The following KCP variants were observed in gnomAD, a reference collection of about 807,000 sequenced individuals.
The protein encoded by KCP is kielin cysteine rich BMP regulator.
A neutral mutation model predicts 212.7 loss-of-function variants in KCP; 194 were observed. The observed-to-expected ratio is 0.91, with a 90% CI of 0.81 to 1.03. The LOEUF (loss-of-function observed/expected upper bound fraction) is 1.03, where lower values mean the gene tolerates loss of function less well. Among genes scored for constraint, KCP ranks in the 50% least tolerant of loss-of-function variants. The pLI is 0.00. For missense variants in KCP, 2,080 were observed against 2,162.5 expected, an observed-to-expected ratio of 0.96 and a Z score of 0.76; for synonymous variants, 833 against 865.3, an observed-to-expected ratio of 0.96 and a Z score of 0.65.
intron 22 of KCP, among the ~76,000 whole-genome samples, chr7:128,888,634 A>C (rs941852085): frequency 1.6e-4 from 24 of 151,736 alleles, no homozygotes; most frequent in Non-Finnish European, 3.1e-4. Context: ...ACACATACAG[A>C]CACACACACA....
intron 7 of KCP, 114 bp from the exon 8 acceptor site, chr7:128,902,973 A>AG: frequency 1.3e-6 from 1 of 772,480 alleles, no homozygotes. Flanking sequence ...TCCCGAGCCA[A>AG]GACTAGATGG....
At chr7:128,901,222 A>C (rs774968511) in intron 8 of KCP, among the ~76,000 whole-genome samples, 4 of 151,922 alleles carry the variant, frequency 2.6e-5, no homozygotes, top group Non-Finnish European at 5.9e-5. Flanking sequence ...TGAATAATCC[A>C]CTCCTTTTTT....
At chr7:128,886,328 G>A in intron 26 of KCP, 136 bp downstream of exon 26, 1 of 682,036 alleles carries the variant, frequency 1.5e-6, no homozygotes, top group Non-Finnish European at 2.4e-6. Flanking sequence ...GCTGAAGGTG[G>A]CAAGGGTGTA....
chr7:128,910,261 C>T (rs1260479441), intron 1 of KCP, among the ~76,000 whole-genome samples: 1 of 152,232 alleles, frequency 6.6e-6, no homozygotes, highest in Admixed American at 6.5e-5. Context: ...GAGGGCCAGA[C>T]ACAGATGCAA....
rs1221898512 is a variant in KCP at position 128,886,957 on chromosome 7, T to C, written c.2608A>G (p.Met870Val). 1.3e-6 allele frequency: 2 copies of C among 1,515,268 alleles called. No homozygotes were observed. The highest frequency in any genetic ancestry group is 1.2e-5 in the South Asian group (1 of 82,820). 93.9% of individuals were successfully genotyped at this position (1,515,268 alleles called of 1,614,324 possible). The change falls in exon 24 of 40, where the codon ATG (methionine) becomes GTG (valine). Residue 870 changes from methionine to valine, a missense_variant. Physicochemically the swap from Met to Val is conservative, Grantham distance 21. Coordinates refer to ENST00000610776, the MANE Select transcript of KCP (RefSeq NM_001366122.1). ...GGACATGGCTTCTTCTGGCAGCGCA[T>C]GGAACCTTCCTGGGGGAGAGAGGCC... ...CSLCTCQEGS[M>V]RCQKKPCPPA...
chr7:128,904,219 A>T, intron 5 of KCP, 81 bp from the exon 6 acceptor site: 1 of 1,528,508 alleles, frequency 6.5e-7, no homozygotes, highest in Non-Finnish European at 8.9e-7. Flanking sequence ...CATGACCCCA[A>T]GTAGGTACTG....
At chr7:128,878,181 C>T (rs111534484) in intron 38 of KCP, among the ~76,000 whole-genome samples, 16,600 of 151,894 alleles carry the variant, frequency 0.11, 1,704 homozygotes, top group East Asian at 0.32. Flanking sequence ...CTCAGCCACC[C>T]GAGTAGCTGG....
chr7:128,888,243 C>T (rs931712613), intron 22 of KCP, among the ~76,000 whole-genome samples: 5 of 150,584 alleles, frequency 3.3e-5, no homozygotes, highest in South Asian at 4.2e-4. Flanking sequence ...GACACACATA[C>T]GGTCACACAC....
chr7:128,878,987 GC>G (rs1425908787), intron 37 of KCP: 1 of 488,204 alleles, frequency 2.0e-6, no homozygotes, highest in Admixed American at 3.6e-5. Context: ...TGCCATCCCT[GC>G]ACTGGGCCCC....
chr7:128,885,355 G>T (rs1479504737), intron 26 of KCP, 85 bp from the exon 27 acceptor site: 1 of 1,371,302 alleles, frequency 7.3e-7, no homozygotes, highest in Non-Finnish European at 9.9e-7. Context: ...GGTCAGCTAG[G>T]CACGTGGCGC....
rs1035263380 is a variant in KCP, at chr7:128,884,042, G to A, written c.3204C>T (p.Leu1068=). ...AGCAGTGCTGGGGCCCAGGGGGCAG[G>A]AGCTGGCTGGGGGGGCAGCCCACCA... ...PSLVGCPPSQ[L]LPPGPQHCCP... The change falls in exon 29 of 40, where the codon CTC becomes CTT. Residue 1068 remains leucine (L), a synonymous_variant. Coordinates refer to ENST00000610776, the MANE Select transcript of KCP (RefSeq NM_001366122.1). The A allele has an allele frequency of 5.2e-6, 8 of 1,546,800 alleles. No homozygotes were observed. Among genetic ancestry groups the A allele is most frequent in the Middle Eastern group, 1.8e-4 (1 of 5,530 alleles).
intron 8 of KCP, among the ~76,000 whole-genome samples, chr7:128,901,657 C>T (rs1333729641): frequency 6.6e-6 from 1 of 152,066 alleles, no homozygotes; most frequent in Non-Finnish European, 1.5e-5. Flanking sequence ...TTGCTTTCAC[C>T]TTTCTCTATG....
Position 128,879,620 on chromosome 7 carries a change from C to T in KCP, c.4048G>A (p.Asp1350Asn). ...AAGGGCAAGGCCACCGGGTGCCCAT[C>T]CACCTGGAGGATAAAGGAGGTGGGA... ...RLLQDGAVTV[D>N]GHPVALPFLQ... The change falls in exon 37 of 40, where the codon GAT becomes AAT. Residue 1350 changes from aspartate (D) to asparagine (N), a missense_variant. Coordinates refer to ENST00000610776, the MANE Select transcript of KCP (RefSeq NM_001366122.1). 6.4e-7 allele frequency: 1 copy of T among 1,550,570 alleles called. No individual in the cohort carries two copies. Among genetic ancestry groups the T allele is most frequent in the South Asian group, 1.2e-5 (1 of 84,052 alleles).
At chr7:128,883,457 T>A (rs1781096198) in intron 29 of KCP, among the ~76,000 whole-genome samples, 1 of 152,152 alleles carries the variant, frequency 6.6e-6, no homozygotes, top group African/African-American at 2.4e-5. Flanking sequence ...TATGTAAGGA[T>A]AACGTTCACC....
intron 1 of KCP, among the ~76,000 whole-genome samples, chr7:128,909,526 C>CT (rs772111541): frequency 1.3e-5 from 2 of 152,216 alleles, no homozygotes; most frequent in Non-Finnish European, 2.9e-5. Flanking sequence ...TACCCAGTTA[C>CT]TTAAGCCAGA....
At chr7:128,894,168 T>C in intron 9 of KCP, 32 bp downstream of exon 9, 6 of 1,510,380 alleles carry the variant, frequency 4.0e-6, no homozygotes, top group Non-Finnish European at 5.4e-6. Context: ...TTGCCCACCA[T>C]GGTCAGGCCT....
At chr7:128,896,581 A>T (rs1794535918) in intron 8 of KCP, among the ~76,000 whole-genome samples, 1 of 152,024 alleles carries the variant, frequency 6.6e-6, no homozygotes, top group Non-Finnish European at 1.5e-5. Context: ...TTAAGAGCTA[A>T]TAGGACTGCC....
intron 2 of KCP, 96 bp downstream of exon 2, chr7:128,908,330 A>G: frequency 3.4e-6 from 4 of 1,161,310 alleles, no homozygotes; most frequent in Non-Finnish European, 4.7e-6. Flanking sequence ...TAAGAGCTCT[A>G]TTTTAGGCTC....
intron 1 of KCP, among the ~76,000 whole-genome samples, chr7:128,909,045 C>G (rs1795297512): frequency 6.6e-6 from 1 of 152,206 alleles, no homozygotes; most frequent in South Asian, 2.1e-4. Context: ...AAGGCCCCTG[C>G]TAACTTTGAA....
Sources: gnomAD v4.1 joint callset for allele counts (sites outside exome capture counted in the v4.1 genomes callset) on GRCh38, gnomAD v4.1.1 for gene constraint, MANE v1.5 for transcripts, NCBI Gene and HGNC (gene_info 2026-07-23, HGNC 2026-07-21) for gene names.